SRRM3: variants seen among roughly 807,000 people sequenced by gnomAD.
The protein encoded by SRRM3 is serine/arginine repetitive matrix protein 3.
Under a neutral mutation model 66.2 loss-of-function variants are expected in SRRM3, and 27 were observed. The ratio of observed to expected loss-of-function variants is 0.41; its 90% CI spans 0.30 to 0.56. The LOEUF (loss-of-function observed/expected upper bound fraction) is 0.56, where lower values mean the gene tolerates loss of function less well. SRRM3 is among the 20% of genes least tolerant of loss of function. The pLI, the probability that SRRM3 is intolerant of heterozygous loss-of-function variation, is 0.32. For synonymous variants in SRRM3, 391 were observed against 414.9 expected, an observed-to-expected ratio of 0.94 and a Z score of 0.70; for missense variants, 918 against 991.9, an observed-to-expected ratio of 0.93 and a Z score of 1.00.
chr7:76,267,562 C>G (rs1426618627), intron 11 of SRRM3, 127 bp downstream of exon 11: 2 of 763,742 alleles, frequency 2.6e-6, no homozygotes, highest in Non-Finnish European at 3.6e-6. Flanking sequence ...CGGCCGCTTC[C>G]TCCCTCCTCG....
At chr7:76,264,666 A>C in intron 8 of SRRM3, 99 bp from the exon 9 acceptor site, 1 of 1,305,242 alleles carries the variant, frequency 7.7e-7, no homozygotes. Flanking sequence ...CTAGAGTGGA[A>C]CAAATCTCAG....
chr7:76,232,072 C>G (rs943250421), intron 1 of SRRM3, among the ~76,000 whole-genome samples: 1 of 152,144 alleles, frequency 6.6e-6, no homozygotes, highest in African/African-American at 2.4e-5. Flanking sequence ...AAGGACCATG[C>G]CATGTATTCC....
At chr7:76,234,298 C>G (rs538504565) in intron 1 of SRRM3, among the ~76,000 whole-genome samples, 3 of 151,956 alleles carry the variant, frequency 2.0e-5, no homozygotes, top group Non-Finnish European at 4.4e-5. Context: ...CCACCCCACC[C>G]CGAGCCTACA....
At chr7:76,203,550 A>G (rs1554600825) in intron 1 of SRRM3, among the ~76,000 whole-genome samples, 1 of 152,200 alleles carries the variant, frequency 6.6e-6, no homozygotes, top group Non-Finnish European at 1.5e-5. Context: ...AGCTGGATAA[A>G]TGTGGAATAG....
intron 1 of SRRM3, among the ~76,000 whole-genome samples, chr7:76,228,984 T>TG (rs1436926191): frequency 6.6e-6 from 1 of 151,106 alleles, no homozygotes; most frequent in Non-Finnish European, 1.5e-5. Flanking sequence ...CTGCAAGCTC[T>TG]GCCCCCTGGG....
chr7:76,221,679 CGTCTCTACTG>C (rs1368206747), intron 1 of SRRM3, among the ~76,000 whole-genome samples: 3 of 152,294 alleles, frequency 2.0e-5, no homozygotes, highest in Non-Finnish European at 4.4e-5. Context: ...TCTTCTTACC[CGTCTCTACTG>C]GTCTCTACTG....
intron 10 of SRRM3, among the ~76,000 whole-genome samples, chr7:76,266,303 A>C (rs1309358655): frequency 8.5e-6 from 1 of 117,474 alleles, no homozygotes; most frequent in South Asian, 2.3e-4. Context: ...ATTTAATATA[A>C]ATATTAACAT....
intron 1 of SRRM3, among the ~76,000 whole-genome samples, chr7:76,211,278 A>C (rs1554601666): frequency 2.0e-5 from 3 of 152,174 alleles, no homozygotes; most frequent in African/African-American, 7.2e-5. Flanking sequence ...GCAGAGGCAC[A>C]AGGAGGCAGG....
At chr7:76,226,358 TAGA>T (rs1230074102) in intron 1 of SRRM3, among the ~76,000 whole-genome samples, 3 of 152,330 alleles carry the variant, frequency 2.0e-5, no homozygotes, top group East Asian at 1.9e-4. Flanking sequence ...TCCTGGCTTG[TAGA>T]AGAAGGAGTG....
At chr7:76,275,398 G>T (rs1193372369) in intron 11 of SRRM3, among the ~76,000 whole-genome samples, 2 of 151,050 alleles carry the variant, frequency 1.3e-5, no homozygotes, top group East Asian at 3.9e-4. Context: ...CTAAGGCAGG[G>T]GTATCGCTTG....
intron 3 of SRRM3, among the ~76,000 whole-genome samples, chr7:76,257,482 G>T (rs572167814): frequency 2.6e-5 from 4 of 151,380 alleles, no homozygotes; most frequent in African/African-American, 9.7e-5. Flanking sequence ...CAGGCATGGT[G>T]GCTCACACCT....
chr7:76,214,244 TGGAGAG>T lies in SRRM3; in HGVS notation c.-40+12179_-40+12184del, dbSNP rs1188227363. 6.1e-3 allele frequency among the ~76,000 whole-genome samples: 925 copies of T among 151,946 alleles called. 7 individuals are homozygous for T. The highest frequency in any genetic ancestry group is 0.021 in the African/African-American group (867 of 41,370). On this transcript the variant is annotated intron_variant, in intron 1 of 14. Coordinates refer to ENST00000611745, the MANE Select transcript of SRRM3 (RefSeq NM_001110199.3). Reference sequence around the variant, plus strand: ...ATGATGGCAGAGCAGAGTGGAGACTTGGAGAGGCCACTGCTGCACCAGGAGCTCCCA... The same window carrying T: ...ATGATGGCAGAGCAGAGTGGAGACTTGCCACTGCTGCACCAGGAGCTCCCA...
chr7:76,281,265 T>G (rs1309772736), intron 11 of SRRM3, among the ~76,000 whole-genome samples, 176 bp from the exon 12 acceptor site: 1 of 150,506 alleles, frequency 6.6e-6, no homozygotes, highest in Non-Finnish European at 1.5e-5. Flanking sequence ...TCTCTCTGTC[T>G]CTCTCTCTCT....
At chr7:76,258,063 G>A (rs940944996) in intron 3 of SRRM3, among the ~76,000 whole-genome samples, 30 of 152,198 alleles carry the variant, frequency 2.0e-4, no homozygotes, top group African/African-American at 7.2e-4. Context: ...CTGGGGCTGC[G>A]GGAGCAGGGA....
chr7:76,240,753 T>C (rs1801274406), intron 2 of SRRM3, among the ~76,000 whole-genome samples: 1 of 152,152 alleles, frequency 6.6e-6, no homozygotes, highest in African/African-American at 2.4e-5. Flanking sequence ...CCTTCCCTTA[T>C]GGCCCATAGA....
In SRRM3 at chr7:76,286,147, A is replaced by G; in HGVS notation, c.*304A>G. Reference sequence around the variant, plus strand: ...CCCATCCCCCTTCCTGCTGATGCCAACTCACCAGGCTTGGGACTGCTGCCG... The same window carrying G: ...CCCATCCCCCTTCCTGCTGATGCCAGCTCACCAGGCTTGGGACTGCTGCCG... On this transcript the variant is annotated 3_prime_UTR_variant, in exon 15 of 15. Transcript: ENST00000611745. 4.2e-6 allele frequency: 2 copies of G among 473,924 alleles called. No individual in the cohort carries two copies. Among genetic ancestry groups the G allele is most frequent in the Non-Finnish European group, 7.9e-6 (2 of 254,676 alleles). The allele number at this position is 473,924 out of a possible 1,614,324, so 29.4% of individuals were successfully genotyped here.
At chr7:76,230,693 T>G (rs934655458) in intron 1 of SRRM3, among the ~76,000 whole-genome samples, 1 of 145,474 alleles carries the variant, frequency 6.9e-6, no homozygotes, top group Non-Finnish European at 1.5e-5. Flanking sequence ...AAAGGTAAGG[T>G]AAGGAAGGGA....
At position 76,280,518 on chromosome 7, in the gene SRRM3, G is replaced by C. The variant is rs1030004097; in HGVS notation, c.1009-923G>C. Reference sequence around the variant, plus strand: ...CTGCCGGGAATCGTCCGTCCCATCGGGGGGGCAATGCCAGCCCCGATGCCT... The same window carrying C: ...CTGCCGGGAATCGTCCGTCCCATCGCGGGGGCAATGCCAGCCCCGATGCCT... On this transcript the variant is annotated intron_variant, in intron 11 of 14. Coordinates refer to ENST00000611745, the MANE Select transcript of SRRM3 (RefSeq NM_001110199.3). Among the ~76,000 whole-genome samples, 50 of 151,586 alleles carry C rather than the reference G, an allele frequency of 3.3e-4. 2 individuals carry two copies. The highest frequency in any genetic ancestry group is 1.7e-3 in the South Asian group (8 of 4,784).
At position 76,283,240 on chromosome 7, in the gene SRRM3, A is replaced by G. The variant is rs376705612; in HGVS notation, c.1733+139A>G. The G allele has an allele frequency of 4.9e-6, 4 of 810,790 alleles. No individual in the cohort carries two copies. In the South Asian group the frequency reaches 9.0e-5, roughly 18 times the overall value. 50.2% of individuals were successfully genotyped at this position (810,790 alleles called of 1,614,324 possible). On this transcript the variant is annotated intron_variant, in intron 14 of 14. Coordinates refer to ENST00000611745, the MANE Select transcript of SRRM3 (RefSeq NM_001110199.3). ...GGATGGGGGGGGGTGCTAAGGGACAATGAGTGGGTTCTGCCAGGGTAGGGG... is the reference window on the plus strand; with the variant it reads ...GGATGGGGGGGGGTGCTAAGGGACAGTGAGTGGGTTCTGCCAGGGTAGGGG...
Sources: allele counts gnomAD v4.1 joint callset (sites outside exome capture counted in the v4.1 genomes callset), GRCh38; gene constraint gnomAD v4.1.1; transcripts MANE v1.5; gene names NCBI Gene and HGNC (gene_info 2026-07-23, HGNC 2026-07-21).